RIPK4: variants seen among roughly 807,000 people sequenced by gnomAD.
The protein encoded by RIPK4 is receptor interacting serine/threonine kinase 4.
In RIPK4, 17 loss-of-function variants were observed where a neutral mutation model predicts 42.9. That is an observed-to-expected ratio of 0.40 (90% confidence interval 0.27 to 0.59). RIPK4 has a LOEUF of 0.59. Ranked by LOEUF, RIPK4 falls within the 20% of genes least tolerant of loss-of-function variation. The probability of loss-of-function intolerance (pLI) is 0.47; values close to 1 mark genes in which losing one functional copy is unlikely to be tolerated. For missense variants in RIPK4, 897 were observed against 1,104.4 expected, an observed-to-expected ratio of 0.81 and a Z score of 2.66; for synonymous variants, 498 against 499.1, an observed-to-expected ratio of 1.00 and a Z score of 0.03.
intron 6 of RIPK4, 140 bp from the exon 7 acceptor site, chr21:41,744,280 A>G (rs1287970549): frequency 1.6e-5 from 13 of 795,958 alleles, no homozygotes; most frequent in Non-Finnish European, 2.3e-5. Context: ...AGCAATGCAG[A>G]TAACCTATTG....
intron 1 of RIPK4, among the ~76,000 whole-genome samples, chr21:41,757,313 G>A (rs984352276): frequency 3.3e-5 from 5 of 152,114 alleles, no homozygotes; most frequent in Non-Finnish European, 5.9e-5. Flanking sequence ...CTGAGGTCAG[G>A]AGTTCGAGAC....
At chr21:41,746,884 A>C in intron 4 of RIPK4, 113 bp from the exon 5 acceptor site, 1 of 1,229,374 alleles carries the variant, frequency 8.1e-7, no homozygotes, top group Non-Finnish European at 1.1e-6. Flanking sequence ...TCCCCACACC[A>C]CCCCAGGGAG....
chr21:41,740,843 T>C lies in RIPK4; in HGVS notation c.2350A>G (p.Thr784Ala). Residue 784 changes from threonine (T) to alanine (A), a missense_variant, in exon 8 of 8, where the codon ACC becomes GCC. Coordinates refer to ENST00000332512, the MANE Select transcript of RIPK4 (RefSeq NM_020639.3). ...PAATLLRRSKT is the reference protein window; with the variant it reads ...PAATLLRRSKA ...CGGTCTCCGCAGGCAGCCAGCTAGG[T>C]CTTGCTTCGCCGCAGGAGCGTGGCG... The C allele has an allele frequency of 1.9e-6, 3 of 1,601,118 alleles. No individual in the cohort carries two copies. Among genetic ancestry groups the C allele is most frequent in the Non-Finnish European group, 2.6e-6 (3 of 1,173,966 alleles).
intron 1 of RIPK4, among the ~76,000 whole-genome samples, chr21:41,764,274 AG>A (rs2061229805): frequency 6.6e-6 from 1 of 152,230 alleles, no homozygotes; most frequent in Admixed American, 6.5e-5. Flanking sequence ...GGCCTGGCCC[AG>A]GGGAGCTGCA....
In RIPK4 at chr21:41,766,915, G is replaced by A. The variant is rs749619064; in HGVS notation, c.127C>T (p.His43Tyr). 21 of 1,610,890 alleles carry A rather than the reference G, an allele frequency of 1.3e-5. No individual in the cohort carries two copies. The highest frequency in any genetic ancestry group is 1.8e-5 in the Non-Finnish European group (21 of 1,178,910). Reference protein sequence around the residue: ...FGQVYKVRHVHWKTWLAIKCS... With the variant: ...FGQVYKVRHVYWKTWLAIKCS... ...TTGATGGCCAGCCAGGTCTTCCAGT[G>A]GACATGGCGCACCTTGTACACCTGC... Residue 43 changes from histidine (H) to tyrosine (Y), a missense_variant, in exon 1 of 8, where the codon CAC becomes TAC. Coordinates refer to ENST00000332512, the MANE Select transcript of RIPK4 (RefSeq NM_020639.3).
rs559106023 is a variant in RIPK4 at position 41,751,371 on chromosome 21, C to T, written c.475-126G>A. 4.0e-4 allele frequency: 514 copies of T among 1,277,626 alleles called. 4 individuals carry two copies. Among genetic ancestry groups the T allele is most frequent in the Middle Eastern group, 3.4e-3 (15 of 4,466 alleles). The allele number at this position is 1,277,626 out of a possible 1,614,324, so 79.1% of individuals were successfully genotyped here. ...GAGCTTTCCAGGAGCCCCTAAGAGC[C>T]GTGTCTGTGCCTCTCCAGGTAGCCC... On this transcript the variant is annotated intron_variant, in intron 2 of 7. Coordinates refer to ENST00000332512, the MANE Select transcript of RIPK4 (RefSeq NM_020639.3). This position sits in a 1 kb window ranked among gnomAD's most constrained non-coding sequence, Gnocchi z 4.5.
chr21:41,762,186 G>GA (rs924644384), intron 1 of RIPK4, among the ~76,000 whole-genome samples: 7 of 151,262 alleles, frequency 4.6e-5, no homozygotes, highest in African/African-American at 9.7e-5. Flanking sequence ...AGCTGTCCTG[G>GA]AAAAAAAAAG....
In RIPK4 at chr21:41,751,008, C is replaced by T; in HGVS notation, c.623+89G>A. ...CCCATTTCTGACTGGCAGCAAGAGG[C>T]CTTTCTGAAAGCTGCAGCTCAGGGC... On this transcript the variant is annotated intron_variant, in intron 3 of 7. Transcript: ENST00000332512. This position sits in a 1 kb window ranked among gnomAD's most constrained non-coding sequence, Gnocchi z 4.5. The T allele has an allele frequency of 6.7e-7, 1 of 1,494,102 alleles. No individual in the cohort carries two copies. The highest frequency in any genetic ancestry group is 9.0e-7 in the Non-Finnish European group (1 of 1,106,454). 92.6% of individuals were successfully genotyped at this position (1,494,102 alleles called of 1,614,324 possible).
At chr21:41,759,610 G>C (rs569289689) in intron 1 of RIPK4, among the ~76,000 whole-genome samples, 7 of 152,200 alleles carry the variant, frequency 4.6e-5, no homozygotes, top group Non-Finnish European at 8.8e-5. Context: ...ACAGCAGGGG[G>C]CTCTTCTGGA....
At chr21:41,749,493 C>T (rs1240742982) in intron 3 of RIPK4, among the ~76,000 whole-genome samples, 3 of 152,242 alleles carry the variant, frequency 2.0e-5, no homozygotes, top group African/African-American at 7.2e-5. Flanking sequence ...GGGGCGTGAG[C>T]TCCTGGGGAA....
At position 41,740,828 on chromosome 21, in the gene RIPK4, A is replaced by G; in HGVS notation, c.*10T>C. ...CCCCACGTGGACCCCCGGTCTCCGC[A>G]GGCAGCCAGCTAGGTCTTGCTTCGC... On this transcript the variant is annotated 3_prime_UTR_variant, in exon 8 of 8. Coordinates refer to ENST00000332512, the MANE Select transcript of RIPK4 (RefSeq NM_020639.3). The G allele has an allele frequency of 6.3e-7, 1 of 1,589,778 alleles. No homozygotes were observed. The highest frequency in any genetic ancestry group is 1.1e-5 in the South Asian group (1 of 88,332).
In RIPK4 at chr21:41,739,948, C is replaced by T. The variant is rs1348469013; in HGVS notation, c.*890G>A. ...TCATACTGCGTGTGGAGATAAAAAA[C>T]ACAGCTTCTCCTGCACCTCTTCCCC... On this transcript the variant is annotated 3_prime_UTR_variant, in exon 8 of 8. Transcript: ENST00000332512. 6 of 152,208 alleles carry T rather than the reference C, an allele frequency of 3.9e-5. No individual in the cohort carries two copies. The highest frequency in any genetic ancestry group is 1.4e-4 in the African/African-American group (6 of 41,456). The allele number at this position is 152,208 out of a possible 1,614,324, so 9.4% of individuals were successfully genotyped here.
At chr21:41,766,763 G>T in intron 1 of RIPK4, 97 bp downstream of exon 1, 2 of 1,319,014 alleles carry the variant, frequency 1.5e-6, no homozygotes, top group African/African-American at 1.5e-5. Flanking sequence ...CCGGGGGTGA[G>T]TTCGGGAGAG....
chr21:41,759,255 A>C (rs1420150343), intron 1 of RIPK4, among the ~76,000 whole-genome samples: 1 of 151,926 alleles, frequency 6.6e-6, no homozygotes, highest in African/African-American at 2.4e-5. Context: ...TGCCACACTC[A>C]GCTAATTTTT....
chr21:41,766,778 G>A, intron 1 of RIPK4, 82 bp downstream of exon 1: 2 of 1,415,344 alleles, frequency 1.4e-6, no homozygotes, highest in Non-Finnish European at 1.9e-6. Context: ...GGAGAGAGAG[G>A]CAGGACCCCG....
intron 1 of RIPK4, among the ~76,000 whole-genome samples, chr21:41,758,039 TATAGAGAG>T (rs1392294527): frequency 1.6e-4 from 14 of 89,024 alleles, no homozygotes; most frequent in African/African-American, 6.6e-4. Context: ...TATATATATA[TATAGAGAG>T]AGAGAGAGAG....
At chr21:41,763,824 C>T (rs1310613704) in intron 1 of RIPK4, among the ~76,000 whole-genome samples, 1 of 152,210 alleles carries the variant, frequency 6.6e-6, no homozygotes, top group African/African-American at 2.4e-5. Context: ...GAGCGTCTCC[C>T]AGCCGGCGCC....
chr21:41,746,002 G>A, intron 5 of RIPK4, 140 bp from the exon 6 acceptor site: 1 of 787,160 alleles, frequency 1.3e-6, no homozygotes, highest in Non-Finnish European at 2.3e-6. Context: ...GCAAGCCCAG[G>A]GGCCCTACAT....
At chr21:41,761,121 C>A (rs1485766895) in intron 1 of RIPK4, among the ~76,000 whole-genome samples, 1 of 152,150 alleles carries the variant, frequency 6.6e-6, no homozygotes, top group Non-Finnish European at 1.5e-5. Flanking sequence ...CAGATCAGAT[C>A]GTGGGACTCT....
Sources: allele counts gnomAD v4.1 joint callset (sites outside exome capture counted in the v4.1 genomes callset), GRCh38; gene constraint gnomAD v4.1.1; non-coding constraint Gnocchi (gnomAD v3.1); transcripts MANE v1.5; gene names NCBI Gene and HGNC (gene_info 2026-07-23, HGNC 2026-07-21).